The following NUDCD2 variants were observed in gnomAD, a reference collection of about 807,000 sequenced individuals.
NUDCD2 encodes nudC domain-containing protein 2.
A neutral mutation model predicts 20.8 loss-of-function variants in NUDCD2; 16 were observed. The observed-to-expected ratio is 0.77, with a 90% CI of 0.52 to 1.17. The LOEUF (loss-of-function observed/expected upper bound fraction) is 1.17, where lower values mean the gene tolerates loss of function less well. Ranked by LOEUF, NUDCD2 falls within the 50% of genes most tolerant of loss-of-function variation. The pLI is 0.00. For synonymous variants in NUDCD2, 87 were observed against 72.8 expected (o/e 1.20, Z -1.00); for missense variants, 199 against 193.9 (o/e 1.03, Z -0.16).
chr5:163,446,563 C>A lies in NUDCD2; in HGVS notation c.*7404G>T, dbSNP rs1758041768. The A allele has an allele frequency of 6.6e-6, 1 of 152,124 alleles. No homozygotes were observed. The highest frequency in any genetic ancestry group is 1.9e-4 in the East Asian group (1 of 5,204). The allele number at this position is 152,124 out of a possible 1,614,324, so 9.4% of individuals were successfully genotyped here. A position where few individuals can be genotyped will look rare whatever the true frequency, so the allele number is the denominator to read the frequency against. On this transcript the variant is annotated 3_prime_UTR_variant, in exon 4 of 4. Coordinates refer to ENST00000302764, the MANE Select transcript of NUDCD2 (RefSeq NM_145266.6). ...TTTTTAATCAAAACTATATGCTGGCCACATTAACTTCTGTGCTGTCATCAT... is the reference window on the plus strand; with the variant it reads ...TTTTTAATCAAAACTATATGCTGGCAACATTAACTTCTGTGCTGTCATCAT...
chr5:163,455,249 CTG>C (rs1758273637), intron 3 of NUDCD2, among the ~76,000 whole-genome samples: 1 of 151,926 alleles, frequency 6.6e-6, no homozygotes, highest in Non-Finnish European at 1.5e-5. Context: ...GTTAGCCAAA[CTG>C]TGGGAGAAGA....
chr5:163,457,975 TTG>T (rs1222124835), intron 1 of NUDCD2, among the ~76,000 whole-genome samples: 1 of 133,196 alleles, frequency 7.5e-6, no homozygotes, highest in Non-Finnish European at 1.6e-5. Flanking sequence ...CTAAAAAATG[TTG>T]TCTTTTTTTT....
Position 163,454,112 on chromosome 5 carries a change from C to T in NUDCD2, c.391-62G>A, listed in dbSNP as rs1758243261. The T allele has an allele frequency of 6.2e-6, 5 of 806,032 alleles. No homozygotes were observed. In the South Asian group the frequency reaches 7.3e-5, roughly 12 times the overall value. 49.9% of individuals were successfully genotyped at this position (806,032 alleles called of 1,614,324 possible). A position where few individuals can be genotyped will look rare whatever the true frequency, so the allele number is the denominator to read the frequency against. On this transcript the variant is annotated intron_variant, in intron 3 of 3. Coordinates refer to ENST00000302764, the MANE Select transcript of NUDCD2 (RefSeq NM_145266.6). The stretch of plus-strand genomic sequence containing the variant: ...TTATAAGGAAAAATACAAGTACAAA[C>T]TGGCAATTGATAAAAAAGGATATAT...
At chr5:163,456,456 G>A (rs978886462) in intron 3 of NUDCD2, among the ~76,000 whole-genome samples, 2 of 152,130 alleles carry the variant, frequency 1.3e-5, no homozygotes, top group African/African-American at 2.4e-5. Context: ...AGTAGGGAAA[G>A]AGACCCACAG....
chr5:163,454,953 T>A (rs1169876475), intron 3 of NUDCD2, among the ~76,000 whole-genome samples: 1 of 152,012 alleles, frequency 6.6e-6, no homozygotes, highest in Non-Finnish European at 1.5e-5. Flanking sequence ...AAAAACTAGG[T>A]AGTAAATATG....
In NUDCD2 at chr5:163,446,529, C is replaced by T. The variant is rs1011997795; in HGVS notation, c.*7438G>A. The T allele has an allele frequency of 6.6e-6, 1 of 152,188 alleles. No individual in the cohort carries two copies. Among genetic ancestry groups the T allele is most frequent in the Non-Finnish European group, 1.5e-5 (1 of 68,038 alleles). 9.4% of individuals were successfully genotyped at this position (152,188 alleles called of 1,614,324 possible). ...GATTAATTGGACTCAAGTGAAATTG[C>T]TTGTATAATTTTTAATCAAAACTAT... On this transcript the variant is annotated 3_prime_UTR_variant, in exon 4 of 4. Coordinates refer to ENST00000302764, the MANE Select transcript of NUDCD2 (RefSeq NM_145266.6).
At chr5:163,455,476 C>CT (rs1758277785) in intron 3 of NUDCD2, among the ~76,000 whole-genome samples, 1 of 152,136 alleles carries the variant, frequency 6.6e-6, no homozygotes, top group African/African-American at 2.4e-5. Flanking sequence ...AAGAACTGCT[C>CT]TAACTGGCTG....
At chr5:163,458,592 A>T (rs956458732) in intron 1 of NUDCD2, among the ~76,000 whole-genome samples, 1 of 151,698 alleles carries the variant, frequency 6.6e-6, no homozygotes, top group Non-Finnish European at 1.5e-5. Flanking sequence ...GTCTCAATAA[A>T]TATATATTTT....
chr5:163,457,135 A>ATTT, intron 2 of NUDCD2, 55 bp from the exon 3 acceptor site: 1 of 1,446,856 alleles, frequency 6.9e-7, no homozygotes, highest in Non-Finnish European at 9.2e-7. Flanking sequence ...TTCTTCATCA[A>ATTT]GTTGTTTTTT....
chr5:163,457,456 G>T, intron 2 of NUDCD2, 106 bp downstream of exon 2: 1 of 741,790 alleles, frequency 1.3e-6, no homozygotes, highest in South Asian at 1.7e-5. Flanking sequence ...CATTTCTATT[G>T]CTTTATCTTT....
chr5:163,455,490 G>A (rs527830425), intron 3 of NUDCD2, among the ~76,000 whole-genome samples: 250 of 152,356 alleles, frequency 1.6e-3, no homozygotes, highest in South Asian at 4.1e-3. Context: ...CTGGCTGGGC[G>A]CGGTGGTTCA....
rs1758054057 is a variant in NUDCD2, at chr5:163,447,036, T to C, written c.*6931A>G. The C allele has an allele frequency of 6.6e-6, 1 of 152,174 alleles. No individual in the cohort carries two copies. Among genetic ancestry groups the C allele is most frequent in the Non-Finnish European group, 1.5e-5 (1 of 68,030 alleles). The allele number at this position is 152,174 out of a possible 1,614,324, so 9.4% of individuals were successfully genotyped here. On this transcript the variant is annotated 3_prime_UTR_variant, in exon 4 of 4. Coordinates refer to ENST00000302764, the MANE Select transcript of NUDCD2 (RefSeq NM_145266.6). ...AATAAATTAAAAAGCCATTTTTATA[T>C]TCATCAAAGTAGAGTTAGGAACAAC...
In NUDCD2 at chr5:163,447,279, C is replaced by A; in HGVS notation, c.*6688G>T. ...CCAGCCTACTCAACATAGGGAGACC[C>A]TATCTCTACAAAAAATCAAAAATTA... On this transcript the variant is annotated 3_prime_UTR_variant, in exon 4 of 4. Transcript: ENST00000302764. 6.6e-6 allele frequency: 1 copy of A among 152,306 alleles called. No individual in the cohort carries two copies. The highest frequency in any genetic ancestry group is 2.0e-4 in the South Asian group (1 of 5,032). 9.4% of individuals were successfully genotyped at this position (152,306 alleles called of 1,614,324 possible). A position where few individuals can be genotyped will look rare whatever the true frequency, so the allele number is the denominator to read the frequency against.
intron 1 of NUDCD2, among the ~76,000 whole-genome samples, chr5:163,458,358 T>C (rs1292760439): frequency 6.6e-6 from 1 of 152,102 alleles, no homozygotes; most frequent in Non-Finnish European, 1.5e-5. Context: ...AAACTTTACG[T>C]ATTCCAGATT....
rs1758177076 is a variant in NUDCD2, at chr5:163,451,533, A to G, written c.*2434T>C. On this transcript the variant is annotated 3_prime_UTR_variant, in exon 4 of 4. Coordinates refer to ENST00000302764, the MANE Select transcript of NUDCD2 (RefSeq NM_145266.6). ...AAAAAAGTTAATTTTACTTTACTCA[A>G]AAAATTTTGTTAAATGTCAAAGAGA... The G allele has an allele frequency of 6.6e-6, 1 of 152,196 alleles. No individual in the cohort carries two copies. The highest frequency in any genetic ancestry group is 2.1e-4 in the South Asian group (1 of 4,834). 9.4% of individuals were successfully genotyped at this position (152,196 alleles called of 1,614,324 possible).
rs1758074981 is a variant in NUDCD2, at chr5:163,447,740, AATC to A, written c.*6224_*6226del. On this transcript the variant is annotated 3_prime_UTR_variant, in exon 4 of 4. Coordinates refer to ENST00000302764, the MANE Select transcript of NUDCD2 (RefSeq NM_145266.6). Reference sequence around the variant, plus strand: ...ACCTTAACAAATTTAAAAGAGATGAAATCATATAAAATATGTTTTTTGACCATA... The same window carrying A: ...ACCTTAACAAATTTAAAAGAGATGAAATATAAAATATGTTTTTTGACCATA... 2 of 152,224 alleles carry A rather than the reference AATC, an allele frequency of 1.3e-5. No homozygotes were observed. The highest frequency in any genetic ancestry group is 4.1e-4 in the South Asian group (2 of 4,832). 9.4% of individuals were successfully genotyped at this position (152,224 alleles called of 1,614,324 possible). A position where few individuals can be genotyped will look rare whatever the true frequency, so the allele number is the denominator to read the frequency against.
rs2113400458 is a variant in NUDCD2, at chr5:163,449,335, C to T, written c.*4632G>A. On this transcript the variant is annotated 3_prime_UTR_variant, in exon 4 of 4. Coordinates refer to ENST00000302764, the MANE Select transcript of NUDCD2 (RefSeq NM_145266.6). The stretch of plus-strand genomic sequence containing the variant: ...AAGGTCAACAAACAAAAATCAAACA[C>T]ATTTGTACATACTAGCGATGTGCAA... The T allele has an allele frequency of 6.6e-6, 1 of 152,336 alleles. No individual in the cohort carries two copies. Among genetic ancestry groups the T allele is most frequent in the East Asian group, 1.9e-4 (1 of 5,184 alleles). The allele number at this position is 152,336 out of a possible 1,614,324, so 9.4% of individuals were successfully genotyped here.
Position 163,452,935 on chromosome 5 carries a change from T to C in NUDCD2, c.*1032A>G, listed in dbSNP as rs1242390042. ...AAGGCATGATTCTGACTGGATCCTC[T>C]TGCTATATGGACATTATTGGGACAA... On this transcript the variant is annotated 3_prime_UTR_variant, in exon 4 of 4. Transcript: ENST00000302764. 2 of 152,340 alleles carry C rather than the reference T, an allele frequency of 1.3e-5. No individual in the cohort carries two copies. Among genetic ancestry groups the C allele is most frequent in the East Asian group, 3.9e-4 (2 of 5,186 alleles). The allele number at this position is 152,340 out of a possible 1,614,324, so 9.4% of individuals were successfully genotyped here.
At position 163,452,169 on chromosome 5, in the gene NUDCD2, T is replaced by C. The variant is rs555801350; in HGVS notation, c.*1798A>G. On this transcript the variant is annotated 3_prime_UTR_variant, in exon 4 of 4. Transcript: ENST00000302764. The stretch of plus-strand genomic sequence containing the variant: ...AAATGAAGCCCATGGGATCAGAATT[T>C]ATATGTGAATTCATGGTTTTCAATA... 1 of 152,274 alleles carries C rather than the reference T, an allele frequency of 6.6e-6. No homozygotes were observed. Among genetic ancestry groups the C allele is most frequent in the Middle Eastern group, 3.4e-3 (1 of 294 alleles). 9.4% of individuals were successfully genotyped at this position (152,274 alleles called of 1,614,324 possible). A position where few individuals can be genotyped will look rare whatever the true frequency, so the allele number is the denominator to read the frequency against.
Sources: allele counts gnomAD v4.1 joint callset (sites outside exome capture counted in the v4.1 genomes callset), GRCh38; gene constraint gnomAD v4.1.1; transcripts MANE v1.5; gene names NCBI Gene and HGNC (gene_info 2026-07-23, HGNC 2026-07-21).